TSNAXIP1: variants seen among roughly 807,000 people sequenced by gnomAD.
The protein encoded by TSNAXIP1 is translin-associated factor X-interacting protein 1.
TSNAXIP1 carries 89 observed loss-of-function variants against 84.8 expected under a neutral mutation model. The observed-to-expected ratio is 1.05, with a 90% CI of 0.88 to 1.25. The LOEUF (loss-of-function observed/expected upper bound fraction) is 1.25, where lower values mean the gene tolerates loss of function less well. TSNAXIP1 is among the 50% of genes most tolerant of loss of function. The pLI, the probability that TSNAXIP1 is intolerant of heterozygous loss-of-function variation, is 0.00. For synonymous variants in TSNAXIP1, 347 were observed against 335.2 expected (o/e 1.04, Z -0.39); for missense variants, 874 against 887.6 (o/e 0.98, Z 0.20).
chr16:67,807,114 G>A lies in TSNAXIP1; in HGVS notation c.-36G>A, dbSNP rs1386943470. ...GGCTGTACGCTACCACAGCTTCCCAGGCCGCGGGTGCTGATTGCCCGCCTG... is the reference window on the plus strand; with the variant it reads ...GGCTGTACGCTACCACAGCTTCCCAAGCCGCGGGTGCTGATTGCCCGCCTG... On this transcript the variant is annotated 5_prime_UTR_variant, in exon 1 of 16. Transcript: ENST00000561639. 3 of 1,532,984 alleles carry A rather than the reference G, an allele frequency of 2.0e-6. No individual in the cohort carries two copies. Among genetic ancestry groups the A allele is most frequent in the African/African-American group, 2.7e-5 (2 of 72,918 alleles). The allele number at this position is 1,532,984 out of a possible 1,614,324, so 95.0% of individuals were successfully genotyped here.
rs2057434851 is a variant in TSNAXIP1, at chr16:67,826,238, A to G, written c.1231A>G (p.Ile411Val). ...DQLVDVLLEE[I>V]GSGLLREKDF... ...GCTGGTGGACGTGCTCCTGGAAGAG[A>G]TTGGTTCGGGGCTGCTGCGGGAGAA... Residue 411 changes from isoleucine (I) to valine (V), a missense_variant, in exon 10 of 16, where the codon ATT becomes GTT. By Grantham distance (29) the Ile-to-Val change is conservative. Coordinates refer to ENST00000561639, the MANE Select transcript of TSNAXIP1 (RefSeq NM_001288990.3). The G allele has an allele frequency of 6.3e-7, 1 of 1,597,152 alleles. No homozygotes were observed. The highest frequency in any genetic ancestry group is 1.7e-5 in the Admixed American group (1 of 58,974).
In TSNAXIP1 at chr16:67,825,136, G is replaced by A. The variant is rs762273168; in HGVS notation, c.679-1G>A. ...TGACCACACAGCCACCTTCTTGCCA[G>A]GTGACCAAACTGAGGAAGAACTTGG... On this transcript the variant is annotated splice_acceptor_variant, in intron 6 of 15. Coordinates refer to ENST00000561639, the MANE Select transcript of TSNAXIP1 (RefSeq NM_001288990.3). LOFTEE classifies it high-confidence loss of function. 1 of 1,613,648 alleles carries A rather than the reference G, an allele frequency of 6.2e-7. No homozygotes were observed. The highest frequency in any genetic ancestry group is 8.5e-7 in the Non-Finnish European group (1 of 1,179,944).
Position 67,823,730 on chromosome 16 carries a change from A to G in TSNAXIP1, c.481+11A>G. On this transcript the variant is annotated intron_variant, in intron 5 of 15. Coordinates refer to ENST00000561639, the MANE Select transcript of TSNAXIP1 (RefSeq NM_001288990.3). ...ATGAGGGGATGCTGGGTAAGAATGCACCTCCTGCCAGGCGTAGTGGCTCAC... is the reference window on the plus strand; with the variant it reads ...ATGAGGGGATGCTGGGTAAGAATGCGCCTCCTGCCAGGCGTAGTGGCTCAC... 4.3e-6 allele frequency: 7 copies of G among 1,609,454 alleles called. No individual in the cohort carries two copies. The highest frequency in any genetic ancestry group is 5.9e-6 in the Non-Finnish European group (7 of 1,177,004).
In TSNAXIP1 at chr16:67,827,850, T is replaced by C. The variant is rs1216254585; in HGVS notation, c.1996T>C (p.Phe666Leu). 1 of 1,613,982 alleles carries C rather than the reference T, an allele frequency of 6.2e-7. No individual in the cohort carries two copies. ...AGTGAACACCTACATGAGCCAGGCC[T>C]TCCAGCTCCCTGAGTCGGAAATGCC... ...QTVNTYMSQA[F>L]QLPESEMPEE... Residue 666 changes from phenylalanine to leucine, a missense_variant, in exon 16 of 16, where the codon TTC becomes CTC. Transcript: ENST00000561639.
At chr16:67,819,041 G>C (rs2056820987) in intron 2 of TSNAXIP1, among the ~76,000 whole-genome samples, 1 of 151,768 alleles carries the variant, frequency 6.6e-6, no homozygotes, top group Non-Finnish European at 1.5e-5. Context: ...AAAGAACTGG[G>C]CATGGTGGCA....
intron 2 of TSNAXIP1, among the ~76,000 whole-genome samples, chr16:67,817,310 C>A (rs2056649984): frequency 6.9e-6 from 1 of 144,030 alleles, no homozygotes; most frequent in Non-Finnish European, 1.5e-5. Flanking sequence ...CCACCGCGCC[C>A]GGCTATTTTT....
Position 67,827,512 on chromosome 16 carries a change from T to C in TSNAXIP1, c.1831T>C (p.Trp611Arg), listed in dbSNP as rs747382374. Residue 611 changes from tryptophan to arginine, a missense_variant, in exon 15 of 16, where the codon TGG becomes CGG. Trp to Arg is a moderately radical substitution (Grantham distance 101). Transcript: ENST00000561639. ...GQSEPFVQKL[W>R]EQYMDEKDEY... is the part of the protein sequence containing the mutation. ...GAGTGAGCCCTTTGTGCAAAAACTC[T>C]GGGAACAATACATGGATGAGAAGGA... The C allele has an allele frequency of 6.2e-7, 1 of 1,614,170 alleles. No individual in the cohort carries two copies. The highest frequency in any genetic ancestry group is 8.5e-7 in the Non-Finnish European group (1 of 1,180,018).
At chr16:67,818,173 C>T (rs1386343120) in intron 2 of TSNAXIP1, among the ~76,000 whole-genome samples, 1 of 152,146 alleles carries the variant, frequency 6.6e-6, no homozygotes, top group Non-Finnish European at 1.5e-5. Flanking sequence ...TGTGCCACTG[C>T]ACCCCAGCCT....
Position 67,825,793 on chromosome 16 carries a change from A to T in TSNAXIP1, c.941A>T (p.Asp314Val), listed in dbSNP as rs982590129. 4 of 1,614,132 alleles carry T rather than the reference A, an allele frequency of 2.5e-6. No homozygotes were observed. Among genetic ancestry groups the T allele is most frequent in the Non-Finnish European group, 3.4e-6 (4 of 1,180,022 alleles). The change falls in exon 8 of 16, where the codon GAC becomes GTC. Residue 314 changes from aspartate (D) to valine (V), a missense_variant. By Grantham distance (152) the Asp-to-Val change is radical (BLOSUM62 -3). Transcript: ENST00000561639. ...TTTGGAGATGTGGTCCCCAGGAGGG[A>T]CTTTGAAATGCAGGAGAAGACCAAC... ...ANFGDVVPRR[D>V]FEMQEKTNKD... is the part of the protein sequence containing the mutation.
intron 2 of TSNAXIP1, among the ~76,000 whole-genome samples, chr16:67,816,861 C>G (rs1303061031): frequency 2.0e-5 from 3 of 151,968 alleles, no homozygotes; most frequent in South Asian, 2.1e-4. Flanking sequence ...GCAGCTGGTT[C>G]TCCAGCTTCC....
At chr16:67,826,130 A>G in intron 9 of TSNAXIP1, 22 bp from the exon 10 acceptor site, 1 of 1,613,268 alleles carries the variant, frequency 6.2e-7, no homozygotes, top group South Asian at 1.1e-5. Flanking sequence ...CCCAGACTCC[A>G]GCTCCCTCTC....
intron 4 of TSNAXIP1, 74 bp downstream of exon 4, chr16:67,821,299 G>A: frequency 6.4e-7 from 1 of 1,555,758 alleles, no homozygotes; most frequent in South Asian, 1.2e-5. Flanking sequence ...GCCGGGCACA[G>A]TGGCTCACGC....
chr16:67,823,782 C>T, intron 5 of TSNAXIP1, 63 bp downstream of exon 5: 1 of 1,417,906 alleles, frequency 7.1e-7, no homozygotes, highest in Non-Finnish European at 9.9e-7. Flanking sequence ...CTTTAGGAGG[C>T]CGAGGCGGTA....
At chr16:67,825,885 TG>T (rs1228697757) in intron 8 of TSNAXIP1, 31 bp from the exon 9 acceptor site, 1 of 1,613,462 alleles carries the variant, frequency 6.2e-7, no homozygotes, top group Non-Finnish European at 8.5e-7. Context: ...GTCTCACAGG[TG>T]GGGGGCCAGG....
chr16:67,814,410 C>T lies in TSNAXIP1; in HGVS notation c.147+9C>T. 6.5e-7 allele frequency: 1 copy of T among 1,534,816 alleles called. No homozygotes were observed. Among genetic ancestry groups the T allele is most frequent in the South Asian group, 1.2e-5 (1 of 84,042 alleles). ...AGAAACGAAGGACGCTGGTTAGTGA[C>T]AATGTTGTTTTGGAACCCCAAATGT... On this transcript the variant is annotated intron_variant, in intron 2 of 15. Coordinates refer to ENST00000561639, the MANE Select transcript of TSNAXIP1 (RefSeq NM_001288990.3).
In TSNAXIP1 at chr16:67,824,790, G is replaced by A. The variant is rs1434836159; in HGVS notation, c.678+11G>A. 2 of 1,611,584 alleles carry A rather than the reference G, an allele frequency of 1.2e-6. No individual in the cohort carries two copies. Among genetic ancestry groups the A allele is most frequent in the African/African-American group, 2.7e-5 (2 of 74,864 alleles). On this transcript the variant is annotated intron_variant, in intron 6 of 15. Coordinates refer to ENST00000561639, the MANE Select transcript of TSNAXIP1 (RefSeq NM_001288990.3). Reference sequence around the variant, plus strand: ...TCATTGCAGAGCGAGGTGAATGGAAGTGGTGTGATGATGACCAAGTCCCCG... The same window carrying A: ...TCATTGCAGAGCGAGGTGAATGGAAATGGTGTGATGATGACCAAGTCCCCG...
chr16:67,827,573 T>C lies in TSNAXIP1; in HGVS notation c.1892T>C (p.Ile631Thr), dbSNP rs1472070340. 6 of 1,614,136 alleles carry C rather than the reference T, an allele frequency of 3.7e-6. No homozygotes were observed. The highest frequency in any genetic ancestry group is 4.2e-6 in the Non-Finnish European group (5 of 1,179,996). ...CAGCAGCTAAAGCAGGAGCTTGGCA[T>C]AGAACTGTGAGTGACCCTCATCCAT... is the stretch of plus-strand genomic sequence containing the variant. ...YLQQLKQELG[I>T]ELHEEVTLPK... The change falls in exon 15 of 16, where the codon ATA (isoleucine) becomes ACA (threonine). Residue 631 changes from isoleucine (I) to threonine (T), a missense_variant. Physicochemically the swap from Ile to Thr is moderately conservative, Grantham distance 89. Coordinates refer to ENST00000561639, the MANE Select transcript of TSNAXIP1 (RefSeq NM_001288990.3).
At chr16:67,826,310 G>C (rs776751093) in intron 10 of TSNAXIP1, 28 bp downstream of exon 10, 20 of 1,579,782 alleles carry the variant, frequency 1.3e-5, no homozygotes, top group Middle Eastern at 1.8e-4. Context: ...AGTGGGGCTT[G>C]GGCCAGAGTC....
rs1413490888 is a variant in TSNAXIP1, at chr16:67,820,914, C to T, written c.223C>T (p.Arg75Ter). The T allele has an allele frequency of 1.1e-5, 17 of 1,604,708 alleles. No homozygotes were observed. Among genetic ancestry groups the T allele is most frequent in the African/African-American group, 1.3e-5 (1 of 74,686 alleles). The change falls in exon 3 of 16, where the codon CGA becomes TGA. Residue 75 changes from arginine to a stop codon, truncating the protein, a stop_gained. Coordinates refer to ENST00000561639, the MANE Select transcript of TSNAXIP1 (RefSeq NM_001288990.3). LOFTEE classifies it high-confidence loss of function. ...CAGTGGCCAGACCATTTTGCAAAAT[C>T]GAAAACCCTGTTCAGATGACTACCG... ...YTSGQTILQNRKPCSDDYRKR... is the reference protein window; with the variant it reads ...YTSGQTILQN
Sources: allele counts gnomAD v4.1 joint callset (sites outside exome capture counted in the v4.1 genomes callset), GRCh38; gene constraint gnomAD v4.1.1; transcripts MANE v1.5; gene names NCBI Gene and HGNC (gene_info 2026-07-23, HGNC 2026-07-21).